The following TPRG1 variants were observed in gnomAD, a reference collection of about 807,000 sequenced individuals.
The protein encoded by TPRG1 is tumor protein p63 regulated 1.
In TPRG1, 29 loss-of-function variants were observed where a neutral mutation model predicts 29.3. The ratio of observed to expected loss-of-function variants is 0.99; its 90% confidence interval spans 0.74 to 1.35. The LOEUF is 1.35. Among genes scored for constraint, TPRG1 ranks in the 40% most tolerant of loss-of-function variants. The pLI is 0.00. For missense variants in TPRG1, 327 were observed against 335.0 expected, an observed-to-expected ratio of 0.98 and a Z score of 0.19; for synonymous variants, 130 against 116.8, an observed-to-expected ratio of 1.11 and a Z score of -0.73.
intron 4 of TPRG1, among the ~76,000 whole-genome samples, chr3:189,309,633 A>T (rs1722164610): frequency 6.6e-6 from 1 of 152,160 alleles, no homozygotes; most frequent in African/African-American, 2.4e-5. Context: ...CAATGTGGCC[A>T]CACTCCTCTA....
intron 1 of TPRG1, among the ~76,000 whole-genome samples, chr3:189,179,896 T>C (rs1260812368): frequency 6.6e-6 from 1 of 152,172 alleles, no homozygotes; most frequent in Non-Finnish European, 1.5e-5. Flanking sequence ...ATATTAGTCC[T>C]TTTTCACACT....
intron 1 of TPRG1, among the ~76,000 whole-genome samples, chr3:189,192,015 A>T (rs893761613): frequency 2.0e-5 from 3 of 152,152 alleles, no homozygotes; most frequent in Non-Finnish European, 4.4e-5. Flanking sequence ...TTTTGTGGGG[A>T]TCCAGGAGGG....
At position 189,238,774 on chromosome 3, in the gene TPRG1, T is replaced by A. The variant is rs1329681430; in HGVS notation, c.344T>A (p.Val115Asp). 1.2e-6 allele frequency: 2 copies of A among 1,613,484 alleles called. No individual in the cohort carries two copies. The highest frequency in any genetic ancestry group is 1.7e-6 in the Non-Finnish European group (2 of 1,179,644). ...WNNEKERILL[V>D]TDKTLLICKY... ...AATGAGAAGGAGAGAATTCTACTGG[T>A]CACAGACAAGACTCTCTTGATCTGC... The change falls in exon 4 of 6, where the codon GTC becomes GAC. Residue 115 changes from valine (V) to aspartate (D), a missense_variant. Coordinates refer to ENST00000345063, the MANE Select transcript of TPRG1 (RefSeq NM_198485.4).
At chr3:189,145,368 A>AAAAAAAAAAAAAAG (rs1725125469) in intron 3 of TPRG1, among the ~76,000 whole-genome samples, 1 of 151,574 alleles carries the variant, frequency 6.6e-6, no homozygotes, top group African/African-American at 2.4e-5. Context: ...CTAAAAAAAA[A>AAAAAAAAAAAAAAG]AAAAACATGC....
intron 4 of TPRG1, among the ~76,000 whole-genome samples, chr3:189,036,994 C>A (rs1216193343): frequency 6.9e-6 from 1 of 145,878 alleles, no homozygotes; most frequent in Non-Finnish European, 1.5e-5. Flanking sequence ...CCTGCCCCAC[C>A]AAAATCCGAG....
chr3:189,017,205 C>CT (rs60175852), intron 3 of TPRG1, among the ~76,000 whole-genome samples: 2 of 145,180 alleles, frequency 1.4e-5, no homozygotes, highest in African/African-American at 5.0e-5. Flanking sequence ...CTCTGAGATT[C>CT]TTTTTTTTTT....
At chr3:189,282,819 T>G (rs1717394065) in intron 4 of TPRG1, among the ~76,000 whole-genome samples, 1 of 152,116 alleles carries the variant, frequency 6.6e-6, no homozygotes, top group Non-Finnish European at 1.5e-5. Flanking sequence ...ATACGTGAGA[T>G]GAGGATGTGG....
intron 1 of TPRG1, among the ~76,000 whole-genome samples, chr3:189,115,666 A>T (rs977412905): frequency 6.6e-6 from 1 of 152,216 alleles, no homozygotes; most frequent in Non-Finnish European, 1.5e-5. Flanking sequence ...ACAATGTTAC[A>T]ATGAATGAGA....
chr3:189,148,934 A>G lies in TPRG1; in HGVS notation c.-227+1287A>G, dbSNP rs536777060. On this transcript the variant is annotated intron_variant, in intron 4 of 6. Transcript: ENST00000412373. ...TGGAACATGCGGATGCCTTTGGGTA[A>G]TGCCTAAGGCTCAGCAGACTCTTGC... 3.8e-4 allele frequency among the ~76,000 whole-genome samples: 58 copies of G among 152,296 alleles called. 1 individual carries two copies. Among genetic ancestry groups the G allele is most frequent in the African/African-American group, 1.3e-3 (56 of 41,566 alleles).
chr3:189,300,926 T>C (rs1720724723), intron 4 of TPRG1, among the ~76,000 whole-genome samples: 1 of 152,214 alleles, frequency 6.6e-6, no homozygotes, highest in Non-Finnish European at 1.5e-5. Context: ...ACTAGTTCTG[T>C]GCCTTTAGAA....
intron 5 of TPRG1, among the ~76,000 whole-genome samples, chr3:189,159,220 C>G (rs186655561): frequency 1.3e-5 from 2 of 152,108 alleles, no homozygotes; most frequent in Admixed American, 1.3e-4. Context: ...GAGCCATACA[C>G]ATAAAAAAAG....
intron 1 of TPRG1, among the ~76,000 whole-genome samples, chr3:189,105,030 A>C (rs1719651873): frequency 6.6e-6 from 1 of 152,176 alleles, no homozygotes; most frequent in Non-Finnish European, 1.5e-5. Flanking sequence ...ACTCATACTG[A>C]GAAATGCTAA....
intron 1 of TPRG1, among the ~76,000 whole-genome samples, chr3:189,175,328 C>A (rs1424145187): frequency 1.3e-5 from 2 of 152,088 alleles, no homozygotes; most frequent in Non-Finnish European, 2.9e-5. Context: ...TAAGTAAACT[C>A]CCAAGTCAAT....
At chr3:189,147,049 C>G (rs961830602) in intron 3 of TPRG1, among the ~76,000 whole-genome samples, 1 of 152,162 alleles carries the variant, frequency 6.6e-6, no homozygotes, top group African/African-American at 2.4e-5. Context: ...TTTGGAGAGG[C>G]TAAGTAACTC....
intron 3 of TPRG1, among the ~76,000 whole-genome samples, chr3:189,014,927 G>A: frequency 6.6e-6 from 1 of 152,148 alleles, no homozygotes; most frequent in East Asian, 1.9e-4. Flanking sequence ...AGGATAGTGG[G>A]GCACTGTTAT....
chr3:189,224,597 G>A (rs991866440), intron 3 of TPRG1, among the ~76,000 whole-genome samples: 1 of 152,210 alleles, frequency 6.6e-6, no homozygotes, highest in African/African-American at 2.4e-5. Context: ...GGATTATAGT[G>A]AGCAAGAGTG....
chr3:189,167,535 A>G (rs765177379), upstream of TPRG1, among the ~76,000 whole-genome samples: 5 of 152,144 alleles, frequency 3.3e-5, no homozygotes, highest in Non-Finnish European at 7.3e-5. Flanking sequence ...GCCAAGTGCA[A>G]AGTGAAAATC....
intron 4 of TPRG1, among the ~76,000 whole-genome samples, chr3:189,293,999 C>G (rs1002803060): frequency 2.6e-5 from 4 of 152,208 alleles, no homozygotes; most frequent in Non-Finnish European, 5.9e-5. Flanking sequence ...ATCTGTCCAA[C>G]CTTTTGGCCT....
chr3:189,066,442 G>A (rs1015560697), intron 4 of TPRG1, among the ~76,000 whole-genome samples: 2 of 151,778 alleles, frequency 1.3e-5, no homozygotes, highest in Admixed American at 6.6e-5. Flanking sequence ...AACTGACTTC[G>A]ACAATACATT....
Sources: gnomAD v4.1 joint callset for allele counts (sites outside exome capture counted in the v4.1 genomes callset) on GRCh38, gnomAD v4.1.1 for gene constraint, MANE v1.5 for transcripts, NCBI Gene and HGNC (gene_info 2026-07-23, HGNC 2026-07-21) for gene names.